PDZD11: variants seen among roughly 807,000 people sequenced by gnomAD.
The protein encoded by PDZD11 is PDZ domain containing 11, also known as PDZ domain-containing protein 11.
In PDZD11, 2 loss-of-function variants were observed where a neutral mutation model predicts 13.7. That is an observed-to-expected ratio of 0.15 (90% CI 0.06 to 0.46). The LOEUF (loss-of-function observed/expected upper bound fraction) is 0.46, where lower values mean the gene tolerates loss of function less well. Ranked by LOEUF, PDZD11 falls within the 20% of genes least tolerant of loss-of-function variation. The pLI, the probability that PDZD11 is intolerant of heterozygous loss-of-function variation, is 0.98. For missense variants in PDZD11, 44 were observed against 111.7 expected (o/e 0.39, Z 2.73); for synonymous variants, 32 against 37.5 (o/e 0.85, Z 0.54).
At chrX:70,287,433 A>C in intron 5 of PDZD11, 97 bp from the exon 6 acceptor site, 2 of 677,196 alleles carry the variant, frequency 3.0e-6, no homozygotes, top group South Asian at 4.7e-5. Context: ...CCTGTGTGTC[A>C]CTAATAGCTG....
In PDZD11 at chrX:70,288,105, G is replaced by A. The variant is rs1248969366; in HGVS notation, c.228+12C>T. 8.4e-7 allele frequency: 1 copy of A among 1,184,067 alleles called. No individual in the cohort carries two copies. Among genetic ancestry groups the A allele is most frequent in the Non-Finnish European group, 1.1e-6 (1 of 870,647 alleles). On this transcript the variant is annotated intron_variant, in intron 4 of 6. Coordinates refer to ENST00000239666, the MANE Select transcript of PDZD11 (RefSeq NM_016484.5). ...GAAGTAACGATCCATATTGCCTACT[G>A]GGCATAAATACCTTGGAGATGAAGA...
At chrX:70,288,692 C>T (rs1226867624) in intron 2 of PDZD11, among the ~76,000 whole-genome samples, 179 bp from the exon 3 acceptor site, 1 of 97,807 alleles carries the variant, frequency 1.0e-5, no homozygotes, top group African/African-American at 3.8e-5. Flanking sequence ...CCAGTAGCTC[C>T]CCATTTCTTC....
chrX:70,289,453 C>CT, intron 1 of PDZD11, 99 bp from the exon 2 acceptor site: 1 of 1,149,877 alleles, frequency 8.7e-7, no homozygotes, highest in African/African-American at 1.8e-5. Context: ...GGCAGTCAGT[C>CT]TACAGGCCCA....
intron 5 of PDZD11, 92 bp downstream of exon 5, chrX:70,287,640 T>C: frequency 1.4e-6 from 1 of 701,612 alleles, no homozygotes; most frequent in Non-Finnish European, 2.2e-6. Context: ...GCAAAATGCT[T>C]TCTTATTAAG....
At position 70,287,837 on chromosome X, in the gene PDZD11, G is replaced by C; in HGVS notation, c.229-7C>G. On this transcript the variant is annotated splice_region_variant and splice_polypyrimidine_tract_variant and intron_variant, in intron 4 of 6. Transcript: ENST00000239666. ...CATCAGAGTCAGGAATCACCTGTTGGTAAAGAGAGAATACATGTGATTGGG... is the reference window on the plus strand; with the variant it reads ...CATCAGAGTCAGGAATCACCTGTTGCTAAAGAGAGAATACATGTGATTGGG... 1 of 1,154,448 alleles carries C rather than the reference G, an allele frequency of 8.7e-7. No individual in the cohort carries two copies. The highest frequency in any genetic ancestry group is 1.2e-6 in the Non-Finnish European group (1 of 843,912).
At position 70,288,339 on chromosome X, in the gene PDZD11, A is replaced by T; in HGVS notation, c.171+91T>A. ...TGTCCACAAGAAGGAAAGTTTCCTCACATCTGCACCTGCTTTCCAATCCAT... is the reference window on the plus strand; with the variant it reads ...TGTCCACAAGAAGGAAAGTTTCCTCTCATCTGCACCTGCTTTCCAATCCAT... On this transcript the variant is annotated intron_variant, in intron 3 of 6. Coordinates refer to ENST00000239666, the MANE Select transcript of PDZD11 (RefSeq NM_016484.5). 1.3e-5 allele frequency: 12 copies of T among 917,392 alleles called. No homozygotes were observed. The South Asian group carries it at 2.6e-4, about 20-fold the overall frequency. 75.6% of individuals were successfully genotyped at this position (917,392 alleles called of 1,213,427 possible). A position where few individuals can be genotyped will look rare whatever the true frequency, so the allele number is the denominator to read the frequency against.
intron 1 of PDZD11, chrX:70,289,572 G>A: frequency 2.1e-6 from 1 of 465,159 alleles, no homozygotes. Context: ...ACTCTAGAAA[G>A]AGGACCTCAT....
At position 70,288,420 on chromosome X, in the gene PDZD11, A is replaced by G; in HGVS notation, c.171+10T>C. 8.3e-7 allele frequency: 1 copy of G among 1,201,151 alleles called. No homozygotes were observed. The highest frequency in any genetic ancestry group is 1.8e-5 in the South Asian group (1 of 56,579). ...TGAATCTAGCCTGAAATAAGGTTTCATAAGTTCACCTGAGCTCCAGGAGGC... is the reference window on the plus strand; with the variant it reads ...TGAATCTAGCCTGAAATAAGGTTTCGTAAGTTCACCTGAGCTCCAGGAGGC... On this transcript the variant is annotated intron_variant, in intron 3 of 6. Transcript: ENST00000239666.
intron 3 of PDZD11, 83 bp downstream of exon 3, chrX:70,288,347 A>T: frequency 1.1e-6 from 1 of 949,011 alleles, no homozygotes; most frequent in Non-Finnish European, 1.5e-6. Flanking sequence ...TCACATCTGC[A>T]CCTGCTTTCC....
intron 3 of PDZD11, 125 bp from the exon 4 acceptor site, chrX:70,288,298 G>T (rs748240042): frequency 1.7e-5 from 14 of 840,587 alleles, no homozygotes; most frequent in Non-Finnish European, 2.4e-5. Context: ...TTGCAGAAGT[G>T]TTATCTCAGC....
rs1348326042 is a variant in PDZD11, at chrX:70,288,385, G to T, written c.171+45C>A. ...TCCATCCCCCCAACACTGCCAATTT[G>T]TGGTATGGATGAATCTAGCCTGAAA... On this transcript the variant is annotated intron_variant, in intron 3 of 6. Coordinates refer to ENST00000239666, the MANE Select transcript of PDZD11 (RefSeq NM_016484.5). 2.7e-6 allele frequency: 3 copies of T among 1,111,968 alleles called. No homozygotes were observed. The Admixed American group carries it at 6.6e-5, about 24-fold the overall frequency. The allele number at this position is 1,111,968 out of a possible 1,213,427, so 91.6% of individuals were successfully genotyped here.
In PDZD11 at chrX:70,289,260, G is replaced by A. The variant is rs1229554720; in HGVS notation, c.82C>T (p.His28Tyr). Residue 28 changes from histidine (H) to tyrosine (Y), a missense_variant, in exon 2 of 7, where the codon CAT (histidine) becomes TAT (tyrosine). Coordinates refer to ENST00000239666, the MANE Select transcript of PDZD11 (RefSeq NM_016484.5). Reference protein sequence around the residue: ...YENPPAWIPPHERVHHPDYNN... With the variant: ...YENPPAWIPPYERVHHPDYNN... ...GGAATACAGATGGTTCCCACCTCAT[G>A]AGGAGGAATCCATGCTGGAGGATTC... 1.3e-5 allele frequency: 16 copies of A among 1,204,218 alleles called. No homozygotes were observed. Among genetic ancestry groups the A allele is most frequent in the Non-Finnish European group, 1.8e-5 (16 of 891,323 alleles).
chrX:70,287,457 C>T, intron 5 of PDZD11, 121 bp from the exon 6 acceptor site: 1 of 580,222 alleles, frequency 1.7e-6, no homozygotes, highest in Non-Finnish European at 2.9e-6. Context: ...CCCTCCTGTA[C>T]TTTCCCAGGA....
intron 4 of PDZD11, 95 bp from the exon 5 acceptor site, chrX:70,287,925 T>C (rs1287198332): frequency 2.1e-5 from 17 of 797,021 alleles, no homozygotes; most frequent in Non-Finnish European, 3.0e-5. Flanking sequence ...GGTGCTATTG[T>C]TTTTCTGTGA....
At chrX:70,289,417 C>T (rs1291192864) in intron 1 of PDZD11, 63 bp from the exon 2 acceptor site, 2 of 1,168,692 alleles carry the variant, frequency 1.7e-6, no homozygotes, top group Non-Finnish European at 2.3e-6. Flanking sequence ...CAGCAAGTTT[C>T]AGACAGCAGC....
rs374629359 is a variant in PDZD11, at chrX:70,287,312, G to A, written c.352C>T (p.Arg118Cys). Residue 118 changes from arginine (R) to cysteine (C), a missense_variant, in exon 6 of 7, where the codon CGT becomes TGT. Physicochemically the swap from Arg to Cys is radical, Grantham distance 180 (BLOSUM62 -3). Coordinates refer to ENST00000239666, the MANE Select transcript of PDZD11 (RefSeq NM_016484.5). Reference sequence around the variant, plus strand: ...AAGCGCACACGCATGCTGATTTCACGAGCTGTCTTCAGGATCTCAACAGCC... The same window carrying A: ...AAGCGCACACGCATGCTGATTTCACAAGCTGTCTTCAGGATCTCAACAGCC... ...SKAVEILKTA[R>C]EISMRVRFFP... 201 of 1,206,852 alleles carry A rather than the reference G, an allele frequency of 1.7e-4. No individual in the cohort carries two copies. The highest frequency in any genetic ancestry group is 2.1e-4 in the Non-Finnish European group (187 of 893,368).
intron 4 of PDZD11, 41 bp downstream of exon 4, chrX:70,288,076 A>G: frequency 1.9e-6 from 2 of 1,078,407 alleles, no homozygotes; most frequent in Admixed American, 2.2e-5. Flanking sequence ...TAATTTAACA[A>G]AGGGAAGTAA....
intron 2 of PDZD11, among the ~76,000 whole-genome samples, chrX:70,288,934 C>A (rs1022011212): frequency 3.6e-5 from 4 of 111,484 alleles, no homozygotes; most frequent in Admixed American, 2.9e-4. Context: ...GAACTCCCAA[C>A]CTCAGGTGAT....
chrX:70,286,973 C>A lies in PDZD11; in HGVS notation c.*109G>T. On this transcript the variant is annotated 3_prime_UTR_variant, in exon 7 of 7. Coordinates refer to ENST00000239666, the MANE Select transcript of PDZD11 (RefSeq NM_016484.5). ...TGCAGTTGGTTAGCTGTCTCCCCAT[C>A]CTCCCAACTCACTATTCCAGGGAGG... 1.5e-6 allele frequency: 1 copy of A among 680,608 alleles called. No homozygotes were observed. The highest frequency in any genetic ancestry group is 2.3e-6 in the Non-Finnish European group (1 of 442,109). 56.1% of individuals were successfully genotyped at this position (680,608 alleles called of 1,213,427 possible).
Sources: gnomAD v4.1 joint callset for allele counts (sites outside exome capture counted in the v4.1 genomes callset) on GRCh38, gnomAD v4.1.1 for gene constraint, MANE v1.5 for transcripts, NCBI Gene and HGNC (gene_info 2026-07-23, HGNC 2026-07-21) for gene names.